The following SLCO1B3 variants were observed in gnomAD, a reference collection of about 807,000 sequenced individuals.
SLCO1B3 encodes the protein liver-specific organic anion transporter 2.
In SLCO1B3, 72 loss-of-function variants were observed where a neutral mutation model predicts 71.8. That is an observed-to-expected ratio of 1.00 (90% CI 0.83 to 1.22). The LOEUF is 1.22. SLCO1B3 is among the 50% of genes most tolerant of loss of function. SLCO1B3 has a pLI of 0.00. For synonymous variants in SLCO1B3, 298 were observed against 278.4 expected (o/e 1.07, Z -0.70); for missense variants, 911 against 819.7 (o/e 1.11, Z -1.36).
intron 3 of SLCO1B3, among the ~76,000 whole-genome samples, chr12:20,820,452 T>A (rs1313383993): frequency 6.6e-6 from 1 of 152,156 alleles, no homozygotes; most frequent in Non-Finnish European, 1.5e-5. Flanking sequence ...TGGTCAGATT[T>A]CTGGCACTTG....
intron 7 of SLCO1B3, 70 bp from the exon 8 acceptor site, chr12:20,862,686 T>C (rs1705340577): frequency 6.8e-7 from 1 of 1,461,318 alleles, no homozygotes; most frequent in Admixed American, 1.9e-5. Context: ...ATAATATTAC[T>C]TTTAAAAGCA....
intron 3 of SLCO1B3, among the ~76,000 whole-genome samples, chr12:20,844,576 A>G (rs530890688): frequency 6.6e-6 from 1 of 152,166 alleles, no homozygotes; most frequent in South Asian, 2.1e-4. Flanking sequence ...TCAAAGAAAA[A>G]AAAAATTCCA....
At chr12:20,848,455 C>T (rs901633256) in intron 3 of SLCO1B3, among the ~76,000 whole-genome samples, 3 of 152,156 alleles carry the variant, frequency 2.0e-5, no homozygotes, top group African/African-American at 7.2e-5. Flanking sequence ...GACAGGCTTA[C>T]TGTACAATCC....
chr12:20,916,236 G>A lies in SLCO1B3; in HGVS notation c.2098G>A (p.Ala700Thr). 6.2e-7 allele frequency: 1 copy of A among 1,612,260 alleles called. No individual in the cohort carries two copies. Among genetic ancestry groups the A allele is most frequent in the South Asian group, 1.1e-5 (1 of 90,984 alleles). ...TAATTTGGACATGCAAGACAATGCT[G>A]CTGCCAACTAACATTGCATTGATTC... ...TCNLDMQDNA[A>T]AN The change falls in exon 16 of 16, where the codon GCT (alanine) becomes ACT (threonine). Residue 700 changes from alanine (A) to threonine (T), a missense_variant. Physicochemically the swap from Ala to Thr is moderately conservative, Grantham distance 58. Coordinates refer to ENST00000381545, the MANE Select transcript of SLCO1B3 (RefSeq NM_019844.4).
At chr12:20,894,284 AC>A (rs1208528762) in intron 13 of SLCO1B3, among the ~76,000 whole-genome samples, 1 of 152,238 alleles carries the variant, frequency 6.6e-6, no homozygotes, top group South Asian at 2.1e-4. Context: ...TAAATAACTT[AC>A]ATGATAACCA....
At position 20,861,104 on chromosome 12, in the gene SLCO1B3, A is replaced by G. The variant is rs753113192; in HGVS notation, c.447A>G (p.Ser149=). The change falls in exon 6 of 16, where the codon TCA becomes TCG. Residue 149 remains serine, a synonymous_variant. Transcript: ENST00000381545. ...LSTCLINQTL[S]FNGTSPEIVE... ...CCTGTTTAATTAATCAAACCTTATCATTCAATGGAACATCACCTGAGATAG... is the reference window on the plus strand; with the variant it reads ...CCTGTTTAATTAATCAAACCTTATCGTTCAATGGAACATCACCTGAGATAG... 6 of 1,600,232 alleles carry G rather than the reference A, an allele frequency of 3.7e-6. No homozygotes were observed. Among genetic ancestry groups the G allele is most frequent in the Non-Finnish European group, 3.4e-6 (4 of 1,172,924 alleles).
chr12:20,883,625 T>A (rs1865738514), intron 13 of SLCO1B3, 23 bp downstream of exon 13: 1 of 1,501,562 alleles, frequency 6.7e-7, no homozygotes, highest in Admixed American at 2.1e-5. Flanking sequence ...CTGTAAAACA[T>A]TGTCATGTAT....
intron 3 of SLCO1B3, among the ~76,000 whole-genome samples, chr12:20,824,290 A>G (rs536641095): frequency 3.9e-5 from 6 of 152,328 alleles, no homozygotes; most frequent in Admixed American, 1.3e-4. Flanking sequence ...AGTTTGGTCC[A>G]TGCAATTAAC....
chr12:20,823,318 A>G (rs918944585), intron 3 of SLCO1B3, among the ~76,000 whole-genome samples: 1 of 152,244 alleles, frequency 6.6e-6, no homozygotes, highest in African/African-American at 2.4e-5. Flanking sequence ...GAAAAGGAAA[A>G]TGAAAGGAAA....
chr12:20,863,596 T>C (rs1256166292), intron 8 of SLCO1B3, among the ~76,000 whole-genome samples: 3 of 151,988 alleles, frequency 2.0e-5, no homozygotes, highest in Non-Finnish European at 4.4e-5. Flanking sequence ...CCAACTGGGG[T>C]TTAGATTTCC....
rs767730020 is a variant in SLCO1B3, at chr12:20,875,363, C to A, written c.856C>A (p.Pro286Thr). The A allele has an allele frequency of 6.2e-7, 1 of 1,611,962 alleles. No homozygotes were observed. Among genetic ancestry groups the A allele is most frequent in the South Asian group, 1.1e-5 (1 of 90,770 alleles). ...TTTCTTGCCGAAAAATCCAAATAAA[C>A]CACAAAAAGAAAGAAAAATTTCACT... Reference protein sequence around the residue: ...FFFLPKNPNKPQKERKISLSL... With the variant: ...FFFLPKNPNKTQKERKISLSL... The change falls in exon 9 of 16, where the codon CCA becomes ACA. Residue 286 changes from proline (P) to threonine (T), a missense_variant. Coordinates refer to ENST00000381545, the MANE Select transcript of SLCO1B3 (RefSeq NM_019844.4).
chr12:20,915,309 T>C (rs1417481787), intron 15 of SLCO1B3, among the ~76,000 whole-genome samples: 2 of 152,178 alleles, frequency 1.3e-5, no homozygotes, highest in Admixed American at 1.3e-4. Context: ...TTTTCTTATC[T>C]GTATTCTTTC....
chr12:20,899,791 A>T (rs1162688720), intron 14 of SLCO1B3, among the ~76,000 whole-genome samples: 1 of 152,196 alleles, frequency 6.6e-6, no homozygotes, highest in East Asian at 1.9e-4. Flanking sequence ...AAGCAACATA[A>T]AATAGAAAAA....
At chr12:20,837,475 A>G (rs1295661082) in intron 3 of SLCO1B3, among the ~76,000 whole-genome samples, 1 of 152,028 alleles carries the variant, frequency 6.6e-6, no homozygotes, top group Non-Finnish European at 1.5e-5. Context: ...TCCTCTAAGC[A>G]TTGCTTTTGC....
intron 2 of SLCO1B3, among the ~76,000 whole-genome samples, chr12:20,815,152 T>C (rs1163447901): frequency 6.6e-6 from 1 of 152,074 alleles, no homozygotes; most frequent in African/African-American, 2.4e-5. Context: ...ATCCAAACTT[T>C]ATCTGCTTTT....
intron 14 of SLCO1B3, among the ~76,000 whole-genome samples, chr12:20,900,861 A>C (rs1866116427): frequency 6.6e-6 from 1 of 152,186 alleles, no homozygotes; most frequent in Admixed American, 6.5e-5. Context: ...TGGTGTAAGC[A>C]TTTACTTTTT....
At chr12:20,852,035 C>T (rs1209829236) in intron 3 of SLCO1B3, among the ~76,000 whole-genome samples, 1 of 152,182 alleles carries the variant, frequency 6.6e-6, no homozygotes, top group Non-Finnish European at 1.5e-5. Context: ...TATTTCAGTA[C>T]ACACCATCTT....
chr12:20,845,306 CAACAATGAGTAG>C (rs373227947), intron 3 of SLCO1B3: 231,311 of 293,844 alleles, frequency 0.79, 94,975 homozygotes, highest in South Asian at 0.92. Flanking sequence ...TGACCCTGAT[CAACAATGAGTAG>C]AAACATCATC....
At chr12:20,841,780 A>G (rs1180744847) in intron 3 of SLCO1B3, among the ~76,000 whole-genome samples, 3 of 151,830 alleles carry the variant, frequency 2.0e-5, no homozygotes, top group African/African-American at 7.3e-5. Context: ...GTTTGTGTCC[A>G]TGTGTACTGT....
Sources: allele counts gnomAD v4.1 joint callset (sites outside exome capture counted in the v4.1 genomes callset), GRCh38; gene constraint gnomAD v4.1.1; transcripts MANE v1.5; gene names NCBI Gene and HGNC (gene_info 2026-07-23, HGNC 2026-07-21).